ANKRD35: variants seen among roughly 807,000 people sequenced by gnomAD.
ANKRD35 encodes ankyrin repeat domain 35.
A neutral mutation model predicts 109.9 loss-of-function variants in ANKRD35; 102 were observed. The ratio of observed to expected loss-of-function variants is 0.93; its 90% confidence interval spans 0.79 to 1.09. The LOEUF (loss-of-function observed/expected upper bound fraction) is 1.09. Ranked by LOEUF, ANKRD35 falls within the 50% of genes least tolerant of loss-of-function variation. The pLI, the probability that ANKRD35 is intolerant of heterozygous loss-of-function variation, is 0.00. For missense variants in ANKRD35, 1,240 were observed against 1,230.1 expected, an observed-to-expected ratio of 1.01 and a Z score of -0.12; for synonymous variants, 515 against 512.4, an observed-to-expected ratio of 1.01 and a Z score of -0.07.
chr1:145,882,020 T>C (rs1654308836), intron 1 of ANKRD35, among the ~76,000 whole-genome samples: 1 of 143,082 alleles, frequency 7.0e-6, no homozygotes, highest in Non-Finnish European at 1.5e-5. Flanking sequence ...AGTGGCGTGG[T>C]CTCGGCTCAC....
At position 145,875,045 on chromosome 1, in the gene ANKRD35, T is replaced by C. The variant is rs782209664; in HGVS notation, c.561-39A>G. 52 of 1,543,270 alleles carry C rather than the reference T, an allele frequency of 3.4e-5. No individual in the cohort carries two copies. In the Middle Eastern group the frequency reaches 6.9e-4, roughly 21 times the overall value. On this transcript the variant is annotated intron_variant, in intron 7 of 13. Coordinates refer to ENST00000355594, the MANE Select transcript of ANKRD35 (RefSeq NM_144698.5). ...CAAATCTGAGCACAGACTTTCCACA[T>C]GGAACCCAGAAGTCCTGGTTCCAGA...
At position 145,876,598 on chromosome 1, in the gene ANKRD35, G is replaced by A; in HGVS notation, c.424C>T (p.His142Tyr). Residue 142 changes from histidine (H) to tyrosine (Y), a missense_variant, in exon 6 of 14, where the codon CAC becomes TAC. Coordinates refer to ENST00000355594, the MANE Select transcript of ANKRD35 (RefSeq NM_144698.5). ...TCCAACACGTCCAGGAAGGCTTCGTGGTCACACAGCAGGAGCACACTTGAG... is the reference window on the plus strand; with the variant it reads ...TCCAACACGTCCAGGAAGGCTTCGTAGTCACACAGCAGGAGCACACTTGAG... ...CASSVLLLCD[H>Y]EAFLDVLDND... is the part of the protein sequence containing the mutation. 6.2e-7 allele frequency: 1 copy of A among 1,614,150 alleles called. No individual in the cohort carries two copies. Among genetic ancestry groups the A allele is most frequent in the East Asian group, 2.2e-5 (1 of 44,876 alleles).
chr1:145,872,232 G>A lies in ANKRD35; in HGVS notation c.2537C>T (p.Ala846Val), dbSNP rs782487868. 1.2e-5 allele frequency: 19 copies of A among 1,610,884 alleles called. No individual in the cohort carries two copies. The highest frequency in any genetic ancestry group is 1.5e-5 in the Non-Finnish European group (18 of 1,178,708). The change falls in exon 10 of 14, where the codon GCT (alanine) becomes GTT (valine). Residue 846 changes from alanine to valine, a missense_variant. Physicochemically the swap from Ala to Val is moderately conservative, Grantham distance 64. Coordinates refer to ENST00000355594, the MANE Select transcript of ANKRD35 (RefSeq NM_144698.5). ...EKTRGSLVAQ[A>V]QAWGQELKAL... ...CTTTAGCTCCTGGCCCCAAGCCTGA[G>A]CCTGGGCCACCAGCGAACCCCGAGT...
intron 1 of ANKRD35, among the ~76,000 whole-genome samples, chr1:145,885,444 C>G (rs1654442374): frequency 6.6e-6 from 1 of 151,664 alleles, no homozygotes; most frequent in Admixed American, 6.6e-5. Context: ...GACAGAGTTG[C>G]AGAAAACGAA....
Position 145,879,396 on chromosome 1 carries a change from A to G in ANKRD35, c.40-8T>C. On this transcript the variant is annotated splice_polypyrimidine_tract_variant and splice_region_variant and intron_variant, in intron 1 of 13. Coordinates refer to ENST00000355594, the MANE Select transcript of ANKRD35 (RefSeq NM_144698.5). The stretch of plus-strand genomic sequence containing the variant: ...GCGGTTCCATCTCTCCACCTGGTCC[A>G]GAGCCACAGGTTGTGTGAATATAGG... 6.4e-7 allele frequency: 1 copy of G among 1,555,398 alleles called. No homozygotes were observed. Among genetic ancestry groups the G allele is most frequent in the Non-Finnish European group, 8.7e-7 (1 of 1,148,284 alleles).
At position 145,877,958 on chromosome 1, in the gene ANKRD35, C is replaced by A; in HGVS notation, c.324+10G>T. On this transcript the variant is annotated intron_variant, in intron 4 of 13. Coordinates refer to ENST00000355594, the MANE Select transcript of ANKRD35 (RefSeq NM_144698.5). The stretch of plus-strand genomic sequence containing the variant: ...CCTTCATAAGAGTGGTATCAAGGGA[C>A]TGCTCTTACCTGAAGCAGAACCTTA... 6.2e-7 allele frequency: 1 copy of A among 1,613,554 alleles called. No homozygotes were observed. The highest frequency in any genetic ancestry group is 2.2e-5 in the East Asian group (1 of 44,872).
Position 145,871,161 on chromosome 1 carries a change from T to C in ANKRD35, c.2787+821A>G, listed in dbSNP as rs1187432001. Among the ~76,000 whole-genome samples the C allele has an allele frequency of 1.5e-3, 164 of 111,518 alleles. 2 individuals carry two copies. The highest frequency in any genetic ancestry group is 5.2e-3 in the African/African-American group (151 of 29,208). 73.2% of individuals were successfully genotyped at this position (111,518 alleles called of 152,430 possible). ...TCTTTCTTTTCTTTTTTCTTTTTTT[T>C]TTTTTTTTTTTTTTTTTTTTGAGAC... is the stretch of plus-strand genomic sequence containing the variant. On this transcript the variant is annotated intron_variant, in intron 10 of 13. Transcript: ENST00000355594.
rs1280423357 is a variant in ANKRD35 at position 145,866,584 on chromosome 1, T to C, written c.*225A>G. The C allele has an allele frequency of 6.6e-6, 1 of 152,002 alleles. No homozygotes were observed. Among genetic ancestry groups the C allele is most frequent in the African/African-American group, 2.4e-5 (1 of 41,366 alleles). The allele number at this position is 152,002 out of a possible 1,614,324, so 9.4% of individuals were successfully genotyped here. ...CCCCGTCCTGCCTCATGCTTTATTT[T>C]CCATAGAGCTTGTTTCCATCCATAC... On this transcript the variant is annotated 3_prime_UTR_variant, in exon 14 of 14. Transcript: ENST00000355594.
At chr1:145,874,038 CT>C in intron 9 of ANKRD35, 53 bp from the exon 10 acceptor site, 1 of 1,611,410 alleles carries the variant, frequency 6.2e-7, no homozygotes. Flanking sequence ...GAACTGAGCC[CT>C]AGGAGTGCCT....
chr1:145,885,107 T>A (rs782315397), intron 1 of ANKRD35, among the ~76,000 whole-genome samples: 26 of 151,066 alleles, frequency 1.7e-4, no homozygotes, highest in Non-Finnish European at 3.5e-4. Context: ...AGGTTTGGAG[T>A]GATGTTTGAG....
At chr1:145,868,660 C>T (rs1438958336) in intron 10 of ANKRD35, among the ~76,000 whole-genome samples, 2 of 152,206 alleles carry the variant, frequency 1.3e-5, no homozygotes, top group Admixed American at 6.5e-5. Context: ...ATACCCCTTC[C>T]AGTTTAGTTT....
chr1:145,878,374 T>C lies in ANKRD35; in HGVS notation c.259+17A>G. Reference sequence around the variant, plus strand: ...GGGGCAAGCAAGCAGCGTGGCCCAGTGCTCCGGCTCACTCACCATCCTCAT... The same window carrying C: ...GGGGCAAGCAAGCAGCGTGGCCCAGCGCTCCGGCTCACTCACCATCCTCAT... On this transcript the variant is annotated intron_variant, in intron 3 of 13. Coordinates refer to ENST00000355594, the MANE Select transcript of ANKRD35 (RefSeq NM_144698.5). 1 of 1,557,980 alleles carries C rather than the reference T, an allele frequency of 6.4e-7. No individual in the cohort carries two copies.
Position 145,868,386 on chromosome 1 carries a change from C to T in ANKRD35, c.2802G>A (p.Leu934=). 1 of 1,614,224 alleles carries T rather than the reference C, an allele frequency of 6.2e-7. No individual in the cohort carries two copies. Among genetic ancestry groups the T allele is most frequent in the Non-Finnish European group, 8.5e-7 (1 of 1,180,028 alleles). The change falls in exon 11 of 14, where the codon TTG becomes TTA. Residue 934 remains leucine, a synonymous_variant. Coordinates refer to ENST00000355594, the MANE Select transcript of ANKRD35 (RefSeq NM_144698.5). ...RDKEAKIKEL[L]KKLEQLSEEV... is the part of the protein sequence containing the mutation. ...CTTCTGAAAGCTGCTCCAGCTTCTT[C>T]AACAACTCCTTGATCTGAGGCCAAG... is the stretch of plus-strand genomic sequence containing the variant.
At position 145,867,607 on chromosome 1, in the gene ANKRD35, T is replaced by C. The variant is rs182127101; in HGVS notation, c.2944-215A>G. Among the ~76,000 whole-genome samples, 200 of 152,322 alleles carry C rather than the reference T, an allele frequency of 1.3e-3. 3 individuals carry two copies. Among genetic ancestry groups the C allele is most frequent in the Non-Finnish European group, 5.0e-4 (34 of 68,032 alleles). On this transcript the variant is annotated intron_variant, in intron 12 of 13. Transcript: ENST00000355594. ...GCTCTGAGGATTACAACCATGAATA[T>C]GAAGCAAAGCACCAGGTACACAATA... is the stretch of plus-strand genomic sequence containing the variant.
Position 145,868,322 on chromosome 1 carries a change from G to A in ANKRD35, c.2866C>T (p.Leu956=), listed in dbSNP as rs1653680221. ...AIRGENARLA[L]QLQDSQKNHE... is the part of the protein sequence containing the mutation. ...CAGCCAAAACATACCTGCAGCTGCAGGGCAAGGCGAGCATTTTCTCCCCGA... is the reference window on the plus strand; with the variant it reads ...CAGCCAAAACATACCTGCAGCTGCAAGGCAAGGCGAGCATTTTCTCCCCGA... Residue 956 remains leucine, a synonymous_variant, in exon 11 of 14, where the codon CTG becomes TTG. Coordinates refer to ENST00000355594, the MANE Select transcript of ANKRD35 (RefSeq NM_144698.5). 2 of 1,614,032 alleles carry A rather than the reference G, an allele frequency of 1.2e-6. No individual in the cohort carries two copies. Among genetic ancestry groups the A allele is most frequent in the South Asian group, 1.1e-5 (1 of 91,078 alleles).
intron 3 of ANKRD35, 78 bp downstream of exon 3, chr1:145,878,313 C>G: frequency 3.6e-6 from 5 of 1,407,548 alleles, no homozygotes; most frequent in Non-Finnish European, 4.9e-6. Flanking sequence ...GAATGTCCAG[C>G]AGGGCCCAGC....
intron 12 of ANKRD35, 121 bp downstream of exon 12, chr1:145,867,870 C>A: frequency 1.1e-6 from 1 of 922,842 alleles, no homozygotes; most frequent in East Asian, 2.4e-5. Context: ...AGCACTGGAT[C>A]CAGCTTTCCG....
chr1:145,876,484 G>C, intron 6 of ANKRD35, 85 bp downstream of exon 6: 1 of 1,502,340 alleles, frequency 6.7e-7, no homozygotes, highest in Non-Finnish European at 9.3e-7. Context: ...CACAGCCCTA[G>C]GTCGTGGAAG....
At position 145,871,153 on chromosome 1, in the gene ANKRD35, C is replaced by CTTTTTTTTTTTTTTT. The variant is rs59433424; in HGVS notation, c.2787+814_2787+828dup. ...TCTTTCTTTCTTTCTTTTCTTTTTTCTTTTTTTTTTTTTTTTTTTTTTTTT... is the reference window on the plus strand; with the variant it reads ...TCTTTCTTTCTTTCTTTTCTTTTTTCTTTTTTTTTTTTTTTTTTTTTTTTTTTTTTTTTTTTTTTT... On this transcript the variant is annotated intron_variant, in intron 10 of 13. Coordinates refer to ENST00000355594, the MANE Select transcript of ANKRD35 (RefSeq NM_144698.5). Among the ~76,000 whole-genome samples, 27 of 78,096 alleles carry CTTTTTTTTTTTTTTT rather than the reference C, an allele frequency of 3.5e-4. 1 individual carries two copies. The highest frequency in any genetic ancestry group is 4.6e-4 in the Non-Finnish European group (18 of 38,930). The allele number at this position is 78,096 out of a possible 152,430, so 51.2% of individuals were successfully genotyped here.
Sources: allele counts gnomAD v4.1 joint callset (sites outside exome capture counted in the v4.1 genomes callset), GRCh38; gene constraint gnomAD v4.1.1; transcripts MANE v1.5; gene names NCBI Gene and HGNC (gene_info 2026-07-23, HGNC 2026-07-21).